ATXN7L1: variants seen among roughly 807,000 people sequenced by gnomAD.
ATXN7L1 encodes ataxin 7 like 1.
Under a neutral mutation model 70.8 loss-of-function variants are expected in ATXN7L1, and 15 were observed. The ratio of observed to expected loss-of-function variants is 0.21; its 90% CI spans 0.14 to 0.33. ATXN7L1 has a LOEUF of 0.33. Ranked by LOEUF, ATXN7L1 falls within the 10% of genes least tolerant of loss-of-function variation. The pLI is 1.00. For missense variants in ATXN7L1, 975 were observed against 1,097.1 expected (o/e 0.89, Z 1.57); for synonymous variants, 440 against 445.1 (o/e 0.99, Z 0.14).
chr7:105,688,548 TAA>T (rs541097240), intron 3 of ATXN7L1, among the ~76,000 whole-genome samples: 1 of 143,406 alleles, frequency 7.0e-6, no homozygotes, highest in African/African-American at 2.6e-5. Flanking sequence ...CTGTGTCAAT[TAA>T]AAAAAAAAAA....
chr7:105,876,548 TC>T lies in ATXN7L1; in HGVS notation c.10del (p.Glu4SerfsTer59). MTS[E>X]RSRIPCLSAA... ...CGAGAGACACGGGATTCGAGAACGC[TC>T]CGACGTCATCTTCGGAACGTTCCGA... On this transcript the variant is annotated frameshift_variant, in exon 1 of 12. Transcript: ENST00000419735. LOFTEE classifies it high-confidence loss of function. 1 of 1,377,250 alleles carries T rather than the reference TC, an allele frequency of 7.3e-7. No individual in the cohort carries two copies. Among genetic ancestry groups the T allele is most frequent in the Non-Finnish European group, 9.7e-7 (1 of 1,032,032 alleles). The allele number at this position is 1,377,250 out of a possible 1,614,324, so 85.3% of individuals were successfully genotyped here. A position where few individuals can be genotyped will look rare whatever the true frequency, so the allele number is the denominator to read the frequency against.
intron 3 of ATXN7L1, among the ~76,000 whole-genome samples, chr7:105,735,458 G>A (rs749576580): frequency 2.7e-4 from 41 of 152,116 alleles, no homozygotes; most frequent in Non-Finnish European, 4.7e-4. Flanking sequence ...GAGGGCTCTG[G>A]CGATAGGCAT....
chr7:105,786,931 T>C (rs1467637027), intron 3 of ATXN7L1, among the ~76,000 whole-genome samples: 2 of 152,202 alleles, frequency 1.3e-5, no homozygotes, highest in African/African-American at 4.8e-5. Flanking sequence ...ATGTAGCCTC[T>C]GCGTTCTCAC....
At chr7:105,767,541 T>C (rs1346991699) in intron 3 of ATXN7L1, among the ~76,000 whole-genome samples, 1 of 152,220 alleles carries the variant, frequency 6.6e-6, no homozygotes, top group Non-Finnish European at 1.5e-5. Context: ...GCCAGAGAAG[T>C]GCCTTGCTGT....
At chr7:105,675,382 G>A (rs1041531562) in intron 3 of ATXN7L1, among the ~76,000 whole-genome samples, 1 of 152,180 alleles carries the variant, frequency 6.6e-6, no homozygotes, top group African/African-American at 2.4e-5. Flanking sequence ...CAGCACTTTG[G>A]GAGGCCGAGG....
intron 2 of ATXN7L1, among the ~76,000 whole-genome samples, chr7:105,807,848 C>T (rs1403513220): frequency 2.0e-5 from 3 of 152,230 alleles, no homozygotes; most frequent in Admixed American, 1.3e-4. Context: ...CCAGAAGAAA[C>T]ACCCAGAAGA....
intron 2 of ATXN7L1, among the ~76,000 whole-genome samples, chr7:105,811,170 C>A (rs886415182): frequency 6.6e-6 from 1 of 152,190 alleles, no homozygotes; most frequent in Non-Finnish European, 1.5e-5. Context: ...GGGCCTTAAT[C>A]CAATATGACT....
At chr7:105,860,148 CATATATATATAT>C (rs60831105) in intron 2 of ATXN7L1, among the ~76,000 whole-genome samples, 1 of 79,942 alleles carries the variant, frequency 1.3e-5, no homozygotes, top group Non-Finnish European at 2.7e-5. Flanking sequence ...TATATATATA[CATATATATATAT>C]ATATATATGA....
In ATXN7L1 at chr7:105,605,484, G is replaced by GGGT. The variant is rs200779433; in HGVS notation, c.*2365_*2367dup. The stretch of plus-strand genomic sequence containing the variant: ...CAGCATTCGATGAGGGTGGGGGGGG[G>GGGT]GGTGGGGGCTCTTTATTCCAGCTTC... On this transcript the variant is annotated 3_prime_UTR_variant, in exon 12 of 12. Transcript: ENST00000419735. 1 of 92,242 alleles carries GGGT rather than the reference G, an allele frequency of 1.1e-5. No individual in the cohort carries two copies. The highest frequency in any genetic ancestry group is 2.2e-5 in the Non-Finnish European group (1 of 44,596). The allele number at this position is 92,242 out of a possible 1,614,324, so 5.7% of individuals were successfully genotyped here. A position where few individuals can be genotyped will look rare whatever the true frequency, so the allele number is the denominator to read the frequency against.
intron 8 of ATXN7L1, among the ~76,000 whole-genome samples, chr7:105,623,696 C>A (rs1795259528): frequency 2.0e-5 from 3 of 152,160 alleles, no homozygotes; most frequent in Non-Finnish European, 2.9e-5. Flanking sequence ...CCGAGCTAAC[C>A]CTGGACATCA....
rs143343867 is a variant in ATXN7L1, at chr7:105,757,078, C to T, written c.355+31526G>A. 2.8e-4 allele frequency among the ~76,000 whole-genome samples: 43 copies of T among 152,238 alleles called. No homozygotes were observed. The East Asian group carries it at 6.9e-3, about 25-fold the overall frequency. ...CAAAACCATCACAGCATTAGTTGTA[C>T]AGTCACGAAAGGGGCCAAAAAGACA... is the stretch of plus-strand genomic sequence containing the variant. On this transcript the variant is annotated intron_variant, in intron 3 of 11. Transcript: ENST00000419735.
intron 3 of ATXN7L1, among the ~76,000 whole-genome samples, chr7:105,778,990 C>T (rs983647769): frequency 9.2e-5 from 14 of 152,210 alleles, no homozygotes; most frequent in African/African-American, 3.4e-4. Context: ...AGCAATGAAG[C>T]TCACCTGCCC....
At chr7:105,662,047 C>A (rs952716779) in intron 4 of ATXN7L1, among the ~76,000 whole-genome samples, 1 of 94,640 alleles carries the variant, frequency 1.1e-5, no homozygotes, top group Non-Finnish European at 2.3e-5. Context: ...TCCTTCCTTC[C>A]TTCCTTCCTT....
rs576893186 is a variant in ATXN7L1, at chr7:105,691,773, C to T, written c.356-26485G>A. The T allele has an allele frequency of 4.0e-4, 61 of 152,192 alleles. 1 individual carries two copies. The highest frequency in any genetic ancestry group is 1.3e-3 in the African/African-American group (55 of 41,546). The allele number at this position is 152,192 out of a possible 1,614,324, so 9.4% of individuals were successfully genotyped here. A position where few individuals can be genotyped will look rare whatever the true frequency, so the allele number is the denominator to read the frequency against. On this transcript the variant is annotated intron_variant, in intron 3 of 11. Coordinates refer to ENST00000419735, the MANE Select transcript of ATXN7L1 (RefSeq NM_020725.2). Reference sequence around the variant, plus strand: ...CAGCCCCAAACAGAGCAACGTGATACGGTATTCTGCACGGTGCACAGCCCG... The same window carrying T: ...CAGCCCCAAACAGAGCAACGTGATATGGTATTCTGCACGGTGCACAGCCCG...
intron 3 of ATXN7L1, among the ~76,000 whole-genome samples, chr7:105,721,199 A>G (rs1233877859): frequency 6.6e-6 from 1 of 152,162 alleles, no homozygotes; most frequent in Non-Finnish European, 1.5e-5. Flanking sequence ...CAGCTGGCAC[A>G]GGAGAGAGGG....
intron 2 of ATXN7L1, among the ~76,000 whole-genome samples, chr7:105,871,172 T>C (rs1224519313): frequency 1.3e-5 from 2 of 151,156 alleles, no homozygotes; most frequent in Non-Finnish European, 2.9e-5. Context: ...ATAGAGAAGC[T>C]TGGGTTCAGA....
Position 105,875,811 on chromosome 7 carries a change from CCTT to C in ATXN7L1, c.248_250del (p.Glu83del). On this transcript the variant is annotated inframe_deletion and splice_region_variant, in exon 2 of 12. Transcript: ENST00000419735. ...ACTAAAATGCCAGTAGCTCCACTTACCTTCTTTATTAAGCCTCATAACCTCCCT... is the reference window on the plus strand; with the variant it reads ...ACTAAAATGCCAGTAGCTCCACTTACCTTTATTAAGCCTCATAACCTCCCT... The C allele has an allele frequency of 6.2e-7, 1 of 1,612,560 alleles. No homozygotes were observed. The highest frequency in any genetic ancestry group is 8.5e-7 in the Non-Finnish European group (1 of 1,178,692).
Position 105,721,374 on chromosome 7 carries a change from G to A in ATXN7L1, c.356-56086C>T, listed in dbSNP as rs1463347436. ...AGGGTTGGGTGGGGGACAACGGGGT[G>A]CGAAGCGGAGCTGCTGGAAGGATTC... On this transcript the variant is annotated intron_variant, in intron 3 of 11. Coordinates refer to ENST00000419735, the MANE Select transcript of ATXN7L1 (RefSeq NM_020725.2). Among the ~76,000 whole-genome samples the A allele has an allele frequency of 4.6e-5, 7 of 152,232 alleles. No homozygotes were observed. In the East Asian group the frequency reaches 1.3e-3, roughly 29 times the overall value.
intron 7 of ATXN7L1, among the ~76,000 whole-genome samples, chr7:105,626,830 C>T (rs1795759371): frequency 6.6e-6 from 1 of 152,182 alleles, no homozygotes; most frequent in African/African-American, 2.4e-5. Context: ...TTTTTATTTA[C>T]ATCCTTCCAG....
Sources: gnomAD v4.1 joint callset for allele counts (sites outside exome capture counted in the v4.1 genomes callset) on GRCh38, gnomAD v4.1.1 for gene constraint, MANE v1.5 for transcripts, NCBI Gene and HGNC (gene_info 2026-07-23, HGNC 2026-07-21) for gene names.